GRM1: variants seen among roughly 807,000 people sequenced by gnomAD.
GRM1 encodes metabotropic glutamate receptor 1.
GRM1 carries 33 observed loss-of-function variants against 90.9 expected under a neutral mutation model. The observed-to-expected ratio is 0.36, with a 90% CI of 0.28 to 0.49. The LOEUF (loss-of-function observed/expected upper bound fraction) is 0.49. Among genes scored for constraint, GRM1 ranks in the 20% least tolerant of loss-of-function variants. The pLI is 0.99. For missense variants in GRM1, 1,190 were observed against 1,534.3 expected, an observed-to-expected ratio of 0.78 and a Z score of 3.75; for synonymous variants, 700 against 613.2, an observed-to-expected ratio of 1.14 and a Z score of -2.09.
intron 2 of GRM1, among the ~76,000 whole-genome samples, chr6:146,210,092 A>G (rs896601622): frequency 6.6e-6 from 1 of 152,168 alleles, no homozygotes; most frequent in Non-Finnish European, 1.5e-5. Flanking sequence ...TTCACATGCA[A>G]TATCATAGGA....
intron 3 of GRM1, among the ~76,000 whole-genome samples, chr6:146,333,133 C>T (rs1784642879): frequency 6.6e-6 from 1 of 152,154 alleles, no homozygotes; most frequent in Non-Finnish European, 1.5e-5. Context: ...ATATATTTGA[C>T]CACATTTCCT....
chr6:146,083,694 C>G (rs372968247), intron 1 of GRM1, among the ~76,000 whole-genome samples: 1 of 152,226 alleles, frequency 6.6e-6, no homozygotes, highest in South Asian at 2.1e-4. Flanking sequence ...CTGAAGGTTT[C>G]CTTTTTTGTT....
chr6:146,127,156 C>T lies in GRM1; in HGVS notation c.701-32192C>T, dbSNP rs189380322. 9.1e-4 allele frequency among the ~76,000 whole-genome samples: 139 copies of T among 152,258 alleles called. 3 individuals are homozygous for T. In the South Asian group the frequency reaches 0.019, roughly 20 times the overall value. On this transcript the variant is annotated intron_variant, in intron 1 of 7. Transcript: ENST00000282753. The stretch of plus-strand genomic sequence containing the variant: ...AGTTTTCATTTCAAAAGCATAGTTA[C>T]ATTTTACAAATTACATTACTGAAAA...
At chr6:146,148,211 AT>A (rs1470864590) in intron 1 of GRM1, among the ~76,000 whole-genome samples, 4 of 152,174 alleles carry the variant, frequency 2.6e-5, no homozygotes, top group African/African-American at 9.6e-5. Flanking sequence ...ATCCCTATGT[AT>A]TTTTATTTCA....
intron 2 of GRM1, among the ~76,000 whole-genome samples, chr6:146,174,633 C>T: frequency 6.6e-6 from 1 of 152,082 alleles, no homozygotes; most frequent in Non-Finnish European, 1.5e-5. Context: ...CTTATAATTT[C>T]CGAAAGATAA....
At chr6:146,394,826 G>C (rs1348795940) in intron 6 of GRM1, among the ~76,000 whole-genome samples, 1 of 152,100 alleles carries the variant, frequency 6.6e-6, no homozygotes, top group Non-Finnish European at 1.5e-5. Flanking sequence ...AAATCATAGA[G>C]AGGCACAACC....
intron 1 of GRM1, among the ~76,000 whole-genome samples, chr6:146,146,889 C>A (rs1777129322): frequency 6.6e-6 from 1 of 152,122 alleles, no homozygotes; most frequent in African/African-American, 2.4e-5. Context: ...ATTTTATAAG[C>A]AACAGAAAAC....
At position 146,357,516 on chromosome 6, in the gene GRM1, C is replaced by T. The variant is rs760497336; in HGVS notation, c.1434-10C>T. On this transcript the variant is annotated splice_polypyrimidine_tract_variant and intron_variant, in intron 4 of 7. Coordinates refer to ENST00000282753, the MANE Select transcript of GRM1 (RefSeq NM_001278064.2). ...TATTCTATAAGACATGCACATTGTG[C>T]TCTTTGTAGGTATGATATCATGAAT... The T allele has an allele frequency of 1.2e-6, 2 of 1,605,732 alleles. No individual in the cohort carries two copies. The highest frequency in any genetic ancestry group is 1.7e-6 in the Non-Finnish European group (2 of 1,172,428).
intron 1 of GRM1, among the ~76,000 whole-genome samples, chr6:146,100,621 A>G (rs1157190248): frequency 1.3e-5 from 2 of 152,216 alleles, no homozygotes; most frequent in Non-Finnish European, 2.9e-5. Context: ...TTCCTGCAAT[A>G]AACATCCACT....
intron 1 of GRM1, among the ~76,000 whole-genome samples, chr6:146,063,593 C>T (rs991147166): frequency 6.6e-6 from 1 of 151,934 alleles, no homozygotes; most frequent in African/African-American, 2.4e-5. Flanking sequence ...ACCAGAATTT[C>T]ATTTGTTTGC....
intron 1 of GRM1, among the ~76,000 whole-genome samples, chr6:146,131,510 A>G: frequency 6.7e-6 from 1 of 150,330 alleles, no homozygotes; most frequent in East Asian, 1.9e-4. Context: ...TATATAATAT[A>G]TATAATTTTA....
intron 5 of GRM1, among the ~76,000 whole-genome samples, chr6:146,368,138 C>A (rs1775761879): frequency 6.6e-6 from 1 of 150,482 alleles, no homozygotes; most frequent in Non-Finnish European, 1.5e-5. Context: ...ATGAAAAATG[C>A]TTTTTTATTT....
intron 3 of GRM1, among the ~76,000 whole-genome samples, chr6:146,310,502 A>T (rs903230779): frequency 2.6e-5 from 4 of 152,198 alleles, no homozygotes; most frequent in African/African-American, 9.6e-5. Context: ...TGGTATTATT[A>T]GTTGGGGTTT....
intron 1 of GRM1, among the ~76,000 whole-genome samples, chr6:146,085,848 G>A (rs556117862): frequency 5.3e-5 from 8 of 152,170 alleles, no homozygotes; most frequent in African/African-American, 1.7e-4. Context: ...TGAGGAATTA[G>A]GACTTGAGTT....
At chr6:146,239,413 T>A (rs1473026626) in intron 2 of GRM1, among the ~76,000 whole-genome samples, 1 of 152,184 alleles carries the variant, frequency 6.6e-6, no homozygotes, top group Non-Finnish European at 1.5e-5. Context: ...CCATATTACA[T>A]TATAACTATC....
chr6:146,164,930 C>T (rs929819914), intron 2 of GRM1, among the ~76,000 whole-genome samples: 23 of 146,982 alleles, frequency 1.6e-4, no homozygotes, highest in African/African-American at 5.0e-4. Flanking sequence ...CTGACTACAT[C>T]TTTTTTTTTT....
intron 2 of GRM1, among the ~76,000 whole-genome samples, chr6:146,214,286 A>C (rs1168751304): frequency 6.6e-6 from 1 of 152,210 alleles, no homozygotes; most frequent in Non-Finnish European, 1.5e-5. Context: ...ACTAAATTAG[A>C]CTGGCATGGT....
rs141319527 is a variant in GRM1 at position 146,375,877 on chromosome 6, A to T, written c.1603-11013A>T. 3.5e-3 allele frequency among the ~76,000 whole-genome samples: 532 copies of T among 152,142 alleles called. 5 individuals carry two copies. The highest frequency in any genetic ancestry group is 0.012 in the African/African-American group (507 of 41,548). Reference sequence around the variant, plus strand: ...CCATTTACATTCCATGTTATTATTGATAAATAAGGACTTATTCCTACCATT... The same window carrying T: ...CCATTTACATTCCATGTTATTATTGTTAAATAAGGACTTATTCCTACCATT... On this transcript the variant is annotated intron_variant, in intron 5 of 7. Transcript: ENST00000282753.
At chr6:146,330,915 G>A (rs1170291174) in intron 3 of GRM1, among the ~76,000 whole-genome samples, 1 of 151,938 alleles carries the variant, frequency 6.6e-6, no homozygotes, top group Non-Finnish European at 1.5e-5. Context: ...GAGGTGTTGG[G>A]GCATACTCAC....
Sources: allele counts gnomAD v4.1 joint callset (sites outside exome capture counted in the v4.1 genomes callset), GRCh38; gene constraint gnomAD v4.1.1; transcripts MANE v1.5; gene names NCBI Gene and HGNC (gene_info 2026-07-23, HGNC 2026-07-21).